Variants in TMEM238L observed in about 807,000 individuals in gnomAD.
TMEM238L encodes transmembrane protein 238 like, also known as transmembrane protein 238-like.
intron 1 of TMEM238L, 31 bp downstream of exon 1, chr17:10,803,575 A>C: frequency 2.5e-6 from 1 of 395,482 alleles, no homozygotes; most frequent in Non-Finnish European, 4.5e-6. Flanking sequence ...CTCTCTGGCC[A>C]CCCTGCCAGG....
exon 2 of TMEM238L, chr17:10,795,844 G>C (rs535443062): frequency 6.6e-6 from 1 of 152,374 alleles, no homozygotes; most frequent in Non-Finnish European, 1.5e-5. Flanking sequence ...TGAGTACTTT[G>C]AAAGCCTCAG....
At chr17:10,803,936 A>G (rs200099798) in exon 1 of TMEM238L, 334 of 399,048 alleles carry the variant, frequency 8.4e-4, no homozygotes, top group Non-Finnish European at 1.2e-3. Flanking sequence ...CCTGGATGGC[A>G]TCTTCCCCAC....
chr17:10,803,143 T>C (rs1457759829), intron 1 of TMEM238L, among the ~76,000 whole-genome samples: 1 of 152,014 alleles, frequency 6.6e-6, no homozygotes, highest in African/African-American at 2.4e-5. Flanking sequence ...TTCTGCTCTG[T>C]TTGCTTTTAC....
exon 1 of TMEM238L, chr17:10,804,002 G>C: frequency 5.0e-6 from 2 of 399,698 alleles, no homozygotes. Context: ...TGCACTCCCG[G>C]GGGTGATTTG....
At chr17:10,799,633 C>T (rs1003231388) in intron 1 of TMEM238L, among the ~76,000 whole-genome samples, 1 of 152,178 alleles carries the variant, frequency 6.6e-6, no homozygotes, top group Non-Finnish European at 1.5e-5. Context: ...ACAATCTGCC[C>T]GTAAATCGTG....
intron 1 of TMEM238L, among the ~76,000 whole-genome samples, chr17:10,802,937 C>A (rs1414107312): frequency 6.6e-6 from 1 of 152,172 alleles, no homozygotes; most frequent in Non-Finnish European, 1.5e-5. Flanking sequence ...ACTGTCTTGA[C>A]TTCTGGGCCT....
At chr17:10,797,001 G>C (rs1347397182) in intron 1 of TMEM238L, among the ~76,000 whole-genome samples, 5 of 152,176 alleles carry the variant, frequency 3.3e-5, no homozygotes, top group African/African-American at 4.8e-5. Context: ...GAGAGTGAAC[G>C]AGCCAGTCTG....
chr17:10,801,096 G>A (rs1904729705), intron 1 of TMEM238L, among the ~76,000 whole-genome samples: 1 of 151,444 alleles, frequency 6.6e-6, no homozygotes, highest in South Asian at 2.1e-4. Context: ...TGTCACCCAG[G>A]CTGGAGTGCA....
At chr17:10,801,290 G>A (rs575955311) in intron 1 of TMEM238L, among the ~76,000 whole-genome samples, 2 of 152,162 alleles carry the variant, frequency 1.3e-5, no homozygotes, top group African/African-American at 4.8e-5. Context: ...TGCCCACCTC[G>A]GCCTCCCAAA....
intron 1 of TMEM238L, chr17:10,797,902 A>C (rs929951772): frequency 1.3e-5 from 2 of 152,088 alleles, no homozygotes; most frequent in Non-Finnish European, 2.9e-5. Flanking sequence ...CTACAGGCAA[A>C]GCTTGATCAT....
At chr17:10,798,857 C>T (rs1373729176) in intron 1 of TMEM238L, among the ~76,000 whole-genome samples, 1 of 151,976 alleles carries the variant, frequency 6.6e-6, no homozygotes, top group Non-Finnish European at 1.5e-5. Flanking sequence ...GAGTCTTCAT[C>T]TGACTTTGCT....
At chr17:10,802,062 C>T (rs575815753) in intron 1 of TMEM238L, among the ~76,000 whole-genome samples, 74 of 152,286 alleles carry the variant, frequency 4.9e-4, no homozygotes, top group Non-Finnish European at 8.8e-5. Flanking sequence ...GGATTACAGG[C>T]ATGAGTCACT....
At chr17:10,803,401 G>A (rs888689594) in intron 1 of TMEM238L, among the ~76,000 whole-genome samples, 47 of 152,288 alleles carry the variant, frequency 3.1e-4, no homozygotes, top group African/African-American at 1.0e-3. Context: ...CAGCCTCTGC[G>A]AGGAAAAGGG....
At chr17:10,796,952 G>A (rs936368350) in intron 1 of TMEM238L, among the ~76,000 whole-genome samples, 2 of 152,130 alleles carry the variant, frequency 1.3e-5, no homozygotes, top group Non-Finnish European at 2.9e-5. Context: ...ACCATTGCTC[G>A]ACCCTGCCAC....
intron 1 of TMEM238L, among the ~76,000 whole-genome samples, chr17:10,801,162 T>G (rs1192702745): frequency 6.6e-6 from 1 of 151,940 alleles, no homozygotes; most frequent in Admixed American, 6.6e-5. Context: ...GCCATTCTCC[T>G]GCCTCAGCCT....
chr17:10,800,530 TAGAACTGATCGTAATGCGTCAGG>T (rs1227306689), intron 1 of TMEM238L, among the ~76,000 whole-genome samples: 1 of 152,214 alleles, frequency 6.6e-6, no homozygotes, highest in Non-Finnish European at 1.5e-5. Flanking sequence ...ACATTGCCAT[TAGAACTGATCGTAATGCGTCAGG>T]GCCTCACCCT....
chr17:10,797,288 G>C (rs1567608977), intron 1 of TMEM238L, among the ~76,000 whole-genome samples: 1 of 152,058 alleles, frequency 6.6e-6, no homozygotes, highest in South Asian at 2.1e-4. Flanking sequence ...GGTGAAATGG[G>C]ATAATGTGCA....
intron 1 of TMEM238L, among the ~76,000 whole-genome samples, chr17:10,801,707 T>A (rs1225336601): frequency 6.6e-6 from 1 of 152,134 alleles, no homozygotes; most frequent in Admixed American, 6.5e-5. Flanking sequence ...CTTTTGTAAG[T>A]GTGAATCTTT....
chr17:10,798,662 GGT>G (rs1391886305), intron 1 of TMEM238L, among the ~76,000 whole-genome samples: 1 of 151,922 alleles, frequency 6.6e-6, no homozygotes, highest in Non-Finnish European at 1.5e-5. Context: ...GTGTGTGGTG[GGT>G]GTGTTTGTTT....
Sources: gnomAD v4.1 joint callset for allele counts (sites outside exome capture counted in the v4.1 genomes callset) on GRCh38, gnomAD v4.1.1 for gene constraint, MANE v1.5 for transcripts, NCBI Gene and HGNC (gene_info 2026-07-23, HGNC 2026-07-21) for gene names.